NR3C2: variants seen among roughly 807,000 people sequenced by gnomAD.
The protein encoded by NR3C2 is mineralocorticoid receptor.
In NR3C2, 15 loss-of-function variants were observed where a neutral mutation model predicts 86.4. The observed-to-expected ratio is 0.17, with a 90% confidence interval of 0.12 to 0.27. NR3C2 has a LOEUF of 0.27. Ranked by LOEUF, NR3C2 falls within the 10% of genes least tolerant of loss-of-function variation. The pLI is 1.00. For missense variants in NR3C2, 960 were observed against 1,195.6 expected (o/e 0.80, Z 2.91); for synonymous variants, 458 against 450.5 (o/e 1.02, Z -0.21).
intron 8 of NR3C2, among the ~76,000 whole-genome samples, chr4:148,082,856 C>T (rs1396284994): frequency 6.6e-6 from 1 of 151,988 alleles, no homozygotes; most frequent in Non-Finnish European, 1.5e-5. Context: ...AGTCTGAAGT[C>T]GACCCGGGAT....
chr4:148,189,121 G>C lies in NR3C2; in HGVS notation c.2014+5625C>G, dbSNP rs544328889. On this transcript the variant is annotated intron_variant, in intron 4 of 8. Transcript: ENST00000358102. ...TTTTTGTATTTTTAGTAGAGACGGG[G>C]TTTTGCCATGTTGGCCAGGCTGCTC... Among the ~76,000 whole-genome samples, 5 of 152,092 alleles carry C rather than the reference G, an allele frequency of 3.3e-5. No homozygotes were observed. In the East Asian group the frequency reaches 9.7e-4, roughly 29 times the overall value.
chr4:148,315,254 T>C (rs1385652375), intron 2 of NR3C2, among the ~76,000 whole-genome samples: 6 of 152,146 alleles, frequency 3.9e-5, no homozygotes, highest in Non-Finnish European at 8.8e-5. Flanking sequence ...ATTCATTCCA[T>C]GGCAAACCAC....
intron 2 of NR3C2, among the ~76,000 whole-genome samples, chr4:148,418,446 T>C (rs1290017333): frequency 6.6e-6 from 1 of 152,216 alleles, no homozygotes; most frequent in Non-Finnish European, 1.5e-5. Context: ...ATCTTCATGA[T>C]AATCTCTATT....
intron 2 of NR3C2, among the ~76,000 whole-genome samples, chr4:148,379,185 T>C (rs1746833057): frequency 6.6e-6 from 1 of 152,174 alleles, no homozygotes; most frequent in South Asian, 2.1e-4. Context: ...TCTAGATCTC[T>C]TTCAGAATGT....
chr4:148,178,366 T>C (rs772768136), intron 4 of NR3C2, among the ~76,000 whole-genome samples: 2 of 151,844 alleles, frequency 1.3e-5, no homozygotes, highest in Non-Finnish European at 2.9e-5. Context: ...CCAAGAAGCA[T>C]GAAGCTAATA....
chr4:148,176,174 C>G (rs1357930747), intron 4 of NR3C2, among the ~76,000 whole-genome samples: 1 of 152,190 alleles, frequency 6.6e-6, no homozygotes, highest in Admixed American at 6.5e-5. Flanking sequence ...GCCTCCCAGG[C>G]ATTTCCTAGT....
chr4:148,413,435 G>A (rs1233996969), intron 2 of NR3C2, among the ~76,000 whole-genome samples: 2 of 151,970 alleles, frequency 1.3e-5, no homozygotes, highest in Non-Finnish European at 2.9e-5. Context: ...GTAGAGAGGG[G>A]TTTCTTAGGC....
At chr4:148,430,259 T>G (rs189614118) in intron 2 of NR3C2, among the ~76,000 whole-genome samples, 41 of 152,274 alleles carry the variant, frequency 2.7e-4, no homozygotes, top group Non-Finnish European at 7.4e-5. Flanking sequence ...ATGGCTTTTA[T>G]CTCAGCATCA....
chr4:148,123,188 A>G lies in NR3C2; in HGVS notation c.2511-2900T>C, dbSNP rs557132390. ...ACTGAGATACGCCCTGGTCTCCTGCAGTACCCTCAGGCTTACTAGGATGGG... is the reference window on the plus strand; with the variant it reads ...ACTGAGATACGCCCTGGTCTCCTGCGGTACCCTCAGGCTTACTAGGATGGG... On this transcript the variant is annotated intron_variant, in intron 6 of 8. Coordinates refer to ENST00000358102, the MANE Select transcript of NR3C2 (RefSeq NM_000901.5). Among the ~76,000 whole-genome samples, 11 of 152,304 alleles carry G rather than the reference A, an allele frequency of 7.2e-5. No individual in the cohort carries two copies. In the East Asian group the frequency reaches 1.4e-3, roughly 19 times the overall value.
At chr4:148,411,954 G>A (rs962062775) in intron 2 of NR3C2, among the ~76,000 whole-genome samples, 1 of 152,150 alleles carries the variant, frequency 6.6e-6, no homozygotes, top group Non-Finnish European at 1.5e-5. Flanking sequence ...ACATTTTAGG[G>A]AGACAGCATC....
intron 8 of NR3C2, among the ~76,000 whole-genome samples, chr4:148,104,342 GTTTTTTT>G (rs57175085): frequency 1.4e-4 from 9 of 63,794 alleles, no homozygotes; most frequent in Non-Finnish European, 2.3e-4. Context: ...TTTTGGTTTG[GTTTTTTT>G]TTTTTTTTTT....
At chr4:148,352,406 ATCT>A in intron 2 of NR3C2, among the ~76,000 whole-genome samples, 1 of 151,820 alleles carries the variant, frequency 6.6e-6, no homozygotes, top group East Asian at 1.9e-4. Flanking sequence ...CTATCTATCT[ATCT>A]ATCTATCTAT....
At chr4:148,138,984 T>G (rs2149751475) in intron 6 of NR3C2, among the ~76,000 whole-genome samples, 1 of 152,342 alleles carries the variant, frequency 6.6e-6, no homozygotes, top group South Asian at 2.1e-4. Context: ...CATGAGATGA[T>G]GCGGCAGGAA....
At chr4:148,277,494 T>C (rs940584832) in intron 2 of NR3C2, among the ~76,000 whole-genome samples, 2 of 152,102 alleles carry the variant, frequency 1.3e-5, no homozygotes, top group African/African-American at 4.8e-5. Flanking sequence ...GGCATGAGGA[T>C]TGCTTGAGCC....
At position 148,436,761 on chromosome 4, in the gene NR3C2, T is replaced by C. The variant is rs760623537; in HGVS notation, c.100A>G (p.Thr34Ala). 14 of 1,614,012 alleles carry C rather than the reference T, an allele frequency of 8.7e-6. No homozygotes were observed. In the East Asian group the frequency reaches 1.8e-4, roughly 21 times the overall value. The change falls in exon 2 of 9, where the codon ACA becomes GCA. Residue 34 changes from threonine to alanine, a missense_variant. Coordinates refer to ENST00000358102, the MANE Select transcript of NR3C2 (RefSeq NM_000901.5). ...QAVERSSLGP[T>A]ERTDENNYME... is the part of the protein sequence containing the mutation. ...TAGTTATTCTCATCGGTCCTCTCTG[T>C]AGGTCCCAGGGAAGAACGCTCCACA... is the stretch of plus-strand genomic sequence containing the variant.
chr4:148,295,450 T>A (rs73854503), intron 2 of NR3C2, among the ~76,000 whole-genome samples: 1 of 150,990 alleles, frequency 6.6e-6, no homozygotes, highest in Non-Finnish European at 1.5e-5. Flanking sequence ...GTGTGCATGC[T>A]ACACTCTAGA....
rs1750146358 is a variant in NR3C2 at position 148,437,716 on chromosome 4, G to T, written c.-2-854C>A. On this transcript the variant is annotated intron_variant, in intron 1 of 8. Coordinates refer to ENST00000358102, the MANE Select transcript of NR3C2 (RefSeq NM_000901.5). ...CTCTCAATGGTAAATGGTGACTTTT[G>T]AGAGGAGCCCCGAAAATTTAAGCAT... Among the ~76,000 whole-genome samples the T allele has an allele frequency of 2.0e-5, 3 of 152,138 alleles. No individual in the cohort carries two copies. The South Asian group carries it at 6.2e-4, about 32-fold the overall frequency.
chr4:148,343,575 G>T (rs2149983926), intron 2 of NR3C2, among the ~76,000 whole-genome samples: 1 of 152,200 alleles, frequency 6.6e-6, no homozygotes, highest in Non-Finnish European at 1.5e-5. Flanking sequence ...TGGGGTTGGA[G>T]GTTATGAAGC....
Position 148,347,115 on chromosome 4 carries a change from G to A in NR3C2, c.1758-86998C>T, listed in dbSNP as rs1745035933. 2.0e-5 allele frequency among the ~76,000 whole-genome samples: 3 copies of A among 152,146 alleles called. No homozygotes were observed. In the South Asian group the frequency reaches 6.2e-4, roughly 31 times the overall value. On this transcript the variant is annotated intron_variant, in intron 2 of 8. Coordinates refer to ENST00000358102, the MANE Select transcript of NR3C2 (RefSeq NM_000901.5). The stretch of plus-strand genomic sequence containing the variant: ...GAAAAGCACTGCAAAGGATATTTAA[G>A]CTAGAACACAGGTAGAAGAACAAAT...
Sources: gnomAD v4.1 joint callset for allele counts (sites outside exome capture counted in the v4.1 genomes callset) on GRCh38, gnomAD v4.1.1 for gene constraint, MANE v1.5 for transcripts, NCBI Gene and HGNC (gene_info 2026-07-23, HGNC 2026-07-21) for gene names.